WDR6: variants seen among roughly 807,000 people sequenced by gnomAD.
WDR6 encodes the protein tRNA (34-2'-O)-methyltransferase regulator WDR6.
WDR6 carries 58 observed loss-of-function variants against 85.6 expected under a neutral mutation model. That is an observed-to-expected ratio of 0.68 (90% CI 0.55 to 0.84). The LOEUF is 0.84. Among genes scored for constraint, WDR6 ranks in the 40% least tolerant of loss-of-function variants. WDR6 has a pLI of 0.00. For synonymous variants in WDR6, 569 were observed against 582.2 expected (o/e 0.98, Z 0.33); for missense variants, 1,310 against 1,476.4 (o/e 0.89, Z 1.85).
chr3:49,014,873 A>G lies in WDR6; in HGVS notation c.2951A>G (p.Asn984Ser), dbSNP rs1455605127. The G allele has an allele frequency of 6.2e-7, 1 of 1,612,404 alleles. No homozygotes were observed. The change falls in exon 6 of 6, where the codon AAC becomes AGC. Residue 984 changes from asparagine to serine, a missense_variant. Coordinates refer to ENST00000608424, the MANE Select transcript of WDR6 (RefSeq NM_018031.6). This position sits in a 1 kb window ranked among gnomAD's most constrained non-coding sequence, Gnocchi z 4.9. Reference protein sequence around the residue: ...LTLQAHSCGINSLHTLPTREG... With the variant: ...LTLQAHSCGISSLHTLPTREG... Reference sequence around the variant, plus strand: ...CTCCAGGCCCACAGCTGTGGTATCAACAGCCTGCACACCTTGCCCACCCGT... The same window carrying G: ...CTCCAGGCCCACAGCTGTGGTATCAGCAGCCTGCACACCTTGCCCACCCGT...
At position 49,013,718 on chromosome 3, in the gene WDR6, T is replaced by A. The variant is rs2093031237; in HGVS notation, c.2184T>A (p.Asp728Glu). 1.9e-6 allele frequency: 3 copies of A among 1,614,096 alleles called. No individual in the cohort carries two copies. The highest frequency in any genetic ancestry group is 2.5e-6 in the Non-Finnish European group (3 of 1,179,968). The change falls in exon 2 of 6, where the codon GAT becomes GAA. Residue 728 changes from aspartate to glutamate, a missense_variant. By Grantham distance (45) the Asp-to-Glu change is conservative (BLOSUM62 2). Coordinates refer to ENST00000608424, the MANE Select transcript of WDR6 (RefSeq NM_018031.6). This position sits in a 1 kb window ranked among gnomAD's most constrained non-coding sequence, Gnocchi z 4.6. ...EYGVPSFMQP[D>E]DLEPGSEGPD... ...GAGTGCCCAGCTTCATGCAGCCTGA[T>A]GACCTGGAGCCTGGCAGTGAGGGGC...
rs2093051324 is a variant in WDR6, at chr3:49,015,538, T to TC, written c.*252dup. The TC allele has an allele frequency of 1.2e-6, 2 of 1,600,648 alleles. No homozygotes were observed. The highest frequency in any genetic ancestry group is 1.3e-5 in the African/African-American group (1 of 74,316). The stretch of plus-strand genomic sequence containing the variant: ...TTTGGCCGTGGGTTTTTGCTTTTTT[T>TC]CCAGTTGATGACTTTGTGAACATTC... On this transcript the variant is annotated 3_prime_UTR_variant, in exon 6 of 6. Coordinates refer to ENST00000608424, the MANE Select transcript of WDR6 (RefSeq NM_018031.6).
rs1169706152 is a variant in WDR6 at position 49,014,681 on chromosome 3, T to C, written c.2865T>C (p.Thr955=). ...CCACCATGCTAGACCATGACTCCAC[T>C]GTCCTGGAGCCTCCAGTGGATCCTG... ...DLTTMLDHDS[T]VLEPPVDPGL... The change falls in exon 5 of 6, where the codon ACT becomes ACC. Residue 955 remains threonine, a synonymous_variant. Transcript: ENST00000608424. This position sits in a 1 kb window ranked among gnomAD's most constrained non-coding sequence, Gnocchi z 4.9. 1 of 1,613,474 alleles carries C rather than the reference T, an allele frequency of 6.2e-7. No homozygotes were observed. The highest frequency in any genetic ancestry group is 1.1e-5 in the South Asian group (1 of 91,088).
Position 49,015,308 on chromosome 3 carries a change from C to T in WDR6, c.*20C>T, listed in dbSNP as rs781519667. 1.0e-5 allele frequency: 16 copies of T among 1,601,378 alleles called. No individual in the cohort carries two copies. The highest frequency in any genetic ancestry group is 2.2e-5 in the East Asian group (1 of 44,832). On this transcript the variant is annotated 3_prime_UTR_variant, in exon 6 of 6. Transcript: ENST00000608424. ...GACTGAGGTATCCTGCGGTGGCTGG[C>T]GTGCTGGGCATGGGGCCTGCTCACA...
Position 49,013,114 on chromosome 3 carries a change from A to G in WDR6, c.1580A>G (p.Asp527Gly). The change falls in exon 2 of 6, where the codon GAC (aspartate) becomes GGC (glycine). Residue 527 changes from aspartate (D) to glycine (G), a missense_variant. Transcript: ENST00000608424. The surrounding 1 kb of genome is among the most constrained non-coding windows in gnomAD (Gnocchi z 4.6). ...CCCTCCAGACCAGGTCTGCTCAAGG[A>G]CCCTGGGGTGGGAGGCAAGGCTCGG... ...LFPSRPGLLK[D>G]PGVGGKARAG... The G allele has an allele frequency of 6.2e-7, 1 of 1,608,182 alleles. No individual in the cohort carries two copies. The highest frequency in any genetic ancestry group is 1.1e-5 in the South Asian group (1 of 90,532).
chr3:49,008,644 G>C, intron 1 of WDR6, among the ~76,000 whole-genome samples: 1 of 152,188 alleles, frequency 6.6e-6, no homozygotes, highest in East Asian at 1.9e-4. Flanking sequence ...TGTGAAGTTA[G>C]AGCAGGAATG....
intron 1 of WDR6, among the ~76,000 whole-genome samples, chr3:49,010,220 C>T (rs1042452633): frequency 1.3e-5 from 2 of 150,368 alleles, no homozygotes; most frequent in Non-Finnish European, 3.0e-5. Flanking sequence ...TCCTGGCTAA[C>T]ACAGTGAAAC....
chr3:49,007,661 T>C lies in WDR6; in HGVS notation c.100+130T>C, dbSNP rs907500198. On this transcript the variant is annotated intron_variant, in intron 1 of 5. Transcript: ENST00000608424. The surrounding 1 kb of genome is among the most constrained non-coding windows in gnomAD (Gnocchi z 5.1). ...GCAGCAGGTTGAGGCCGATCGGAGG[T>C]GGGAAGGGAGCCCCGGAGATGGCGG... 13 of 1,342,152 alleles carry C rather than the reference T, an allele frequency of 9.7e-6. No individual in the cohort carries two copies. The highest frequency in any genetic ancestry group is 7.5e-5 in the African/African-American group (5 of 66,528). The allele number at this position is 1,342,152 out of a possible 1,614,324, so 83.1% of individuals were successfully genotyped here.
At position 49,014,181 on chromosome 3, in the gene WDR6, C is replaced by T. The variant is rs2093035865; in HGVS notation, c.2583-29C>T. On this transcript the variant is annotated intron_variant, in intron 2 of 5. Transcript: ENST00000608424. This position sits in a 1 kb window ranked among gnomAD's most constrained non-coding sequence, Gnocchi z 4.9. ...CAGATGCTCCCAGGCTTGCAGGCTC[C>T]ACCTGACAGCTGCATGTTGTCTCTG... 6.2e-7 allele frequency: 1 copy of T among 1,614,046 alleles called. No homozygotes were observed.
Position 49,014,026 on chromosome 3 carries a change from A to AT in WDR6, c.2493dup (p.Val832CysfsTer11). ...AGCACCCCAAGCCGCCTCGCCTGCCATGTCATGCACCTTTCGTCCCACCGG... is the reference window on the plus strand; with the variant it reads ...AGCACCCCAAGCCGCCTCGCCTGCCATTGTCATGCACCTTTCGTCCCACCGG... On this transcript the variant is annotated frameshift_variant, in exon 2 of 6. Coordinates refer to ENST00000608424, the MANE Select transcript of WDR6 (RefSeq NM_018031.6). LOFTEE classifies it high-confidence loss of function. This position sits in a 1 kb window ranked among gnomAD's most constrained non-coding sequence, Gnocchi z 4.9. The AT allele has an allele frequency of 6.2e-7, 1 of 1,612,336 alleles. No homozygotes were observed.
chr3:49,013,512 T>TG lies in WDR6; in HGVS notation c.1981dup (p.Ala661GlyfsTer4), dbSNP rs1199026998. 2.5e-6 allele frequency: 4 copies of TG among 1,613,936 alleles called. No individual in the cohort carries two copies. Among genetic ancestry groups the TG allele is most frequent in the African/African-American group, 2.7e-5 (2 of 74,894 alleles). On this transcript the variant is annotated frameshift_variant, in exon 2 of 6. Transcript: ENST00000608424. LOFTEE classifies it high-confidence loss of function. This position sits in a 1 kb window ranked among gnomAD's most constrained non-coding sequence, Gnocchi z 4.6. ...CAACTGTGGTGGAGGGCACCGTTCG[T>TG]GGGCATTCTCTGATACTGAGGCGGC...
At position 49,015,550 on chromosome 3, in the gene WDR6, C is replaced by G; in HGVS notation, c.*262C>G. On this transcript the variant is annotated 3_prime_UTR_variant, in exon 6 of 6. Transcript: ENST00000608424. Reference sequence around the variant, plus strand: ...TTTTTGCTTTTTTTCCAGTTGATGACTTTGTGAACATTCCCAGGTATTGGA... The same window carrying G: ...TTTTTGCTTTTTTTCCAGTTGATGAGTTTGTGAACATTCCCAGGTATTGGA... The G allele has an allele frequency of 6.2e-7, 1 of 1,608,658 alleles. No individual in the cohort carries two copies. The highest frequency in any genetic ancestry group is 8.5e-7 in the Non-Finnish European group (1 of 1,177,964).
chr3:49,007,421 C>T lies in WDR6; in HGVS notation c.-11C>T. 6.2e-7 allele frequency: 1 copy of T among 1,607,948 alleles called. No homozygotes were observed. The highest frequency in any genetic ancestry group is 8.5e-7 in the Non-Finnish European group (1 of 1,177,730). ...CTTAGCCGTGGCTGCCTCAGCACCT[C>T]GAGGATCGACATGGACGCTCTCGAG... is the stretch of plus-strand genomic sequence containing the variant. On this transcript the variant is annotated 5_prime_UTR_variant, in exon 1 of 6. Coordinates refer to ENST00000608424, the MANE Select transcript of WDR6 (RefSeq NM_018031.6). This position sits in a 1 kb window ranked among gnomAD's most constrained non-coding sequence, Gnocchi z 5.1.
Position 49,015,360 on chromosome 3 carries a change from C to A in WDR6, c.*72C>A. The A allele has an allele frequency of 6.5e-7, 1 of 1,534,402 alleles. No homozygotes were observed. Among genetic ancestry groups the A allele is most frequent in the South Asian group, 1.2e-5 (1 of 83,788 alleles). On this transcript the variant is annotated 3_prime_UTR_variant, in exon 6 of 6. Coordinates refer to ENST00000608424, the MANE Select transcript of WDR6 (RefSeq NM_018031.6). ...ACAGCATGGAGCAGGGATGGGCTGT[C>A]TGTGCCCATGCTCAGCATGCCTTGA...
intron 1 of WDR6, 86 bp from the exon 2 acceptor site, chr3:49,011,549 G>T: frequency 6.2e-7 from 1 of 1,612,150 alleles, no homozygotes; most frequent in African/African-American, 1.3e-5. Context: ...GCTACATGCC[G>T]AGAAGTTTCC....
At chr3:49,010,453 C>T (rs1378817467) in intron 1 of WDR6, among the ~76,000 whole-genome samples, 3 of 151,752 alleles carry the variant, frequency 2.0e-5, no homozygotes, top group East Asian at 2.0e-4. Flanking sequence ...CAATGGCTCA[C>T]GCCTGTAATC....
At position 49,015,682 on chromosome 3, in the gene WDR6, T is replaced by G; in HGVS notation, c.*394T>G. On this transcript the variant is annotated 3_prime_UTR_variant, in exon 6 of 6. Coordinates refer to ENST00000608424, the MANE Select transcript of WDR6 (RefSeq NM_018031.6). ...CAGAAGCTGCAGGCGGACGAACATC[T>G]GACCAAAGAGGTGTGGTCGAGGCTC... 1 of 1,614,132 alleles carries G rather than the reference T, an allele frequency of 6.2e-7. No homozygotes were observed. Among genetic ancestry groups the G allele is most frequent in the South Asian group, 1.1e-5 (1 of 91,086 alleles).
At position 49,012,995 on chromosome 3, in the gene WDR6, C is replaced by T. The variant is rs1165034634; in HGVS notation, c.1461C>T (p.Pro487=). The change falls in exon 2 of 6, where the codon CCC becomes CCT. Residue 487 remains proline (P), a synonymous_variant. Coordinates refer to ENST00000608424, the MANE Select transcript of WDR6 (RefSeq NM_018031.6). The surrounding 1 kb of genome is among the most constrained non-coding windows in gnomAD (Gnocchi z 4.4). ...FVKERCRYLL[P]PSKQRWHTCS... ...AGGAACGTTGTCGGTACCTGCTGCC[C>T]CCAAGCAAGCAGAGATGGCACACAT... 3.7e-6 allele frequency: 6 copies of T among 1,613,680 alleles called. No individual in the cohort carries two copies. In the African/African-American group the frequency reaches 4.0e-5, roughly 11 times the overall value.
chr3:49,011,549 G>A (rs779677436), intron 1 of WDR6, 86 bp from the exon 2 acceptor site: 10 of 1,612,150 alleles, frequency 6.2e-6, no homozygotes, highest in South Asian at 1.1e-5. Context: ...GCTACATGCC[G>A]AGAAGTTTCC....
Sources: gnomAD v4.1 joint callset for allele counts (sites outside exome capture counted in the v4.1 genomes callset) on GRCh38, gnomAD v4.1.1 for gene constraint, Gnocchi (gnomAD v3.1) non-coding constraint, MANE v1.5 for transcripts, NCBI Gene and HGNC (gene_info 2026-07-23, HGNC 2026-07-21) for gene names.